SVEP1: variants seen among roughly 807,000 people sequenced by gnomAD.
The protein encoded by SVEP1 is sushi, von Willebrand factor type A, EGF and pentraxin domain containing 1.
In SVEP1, 164 loss-of-function variants were observed where a neutral mutation model predicts 367.3. That is an observed-to-expected ratio of 0.45 (90% CI 0.39 to 0.51). The LOEUF is 0.51. Among genes scored for constraint, SVEP1 ranks in the 20% least tolerant of loss-of-function variants. SVEP1 has a pLI of 0.00. For synonymous variants in SVEP1, 1,666 were observed against 1,611.6 expected, an observed-to-expected ratio of 1.03 and a Z score of -0.81; for missense variants, 4,117 against 4,425.3, an observed-to-expected ratio of 0.93 and a Z score of 1.98.
intron 3 of SVEP1, among the ~76,000 whole-genome samples, chr9:110,519,143 T>C (rs1829844673): frequency 6.6e-6 from 1 of 152,220 alleles, no homozygotes. Context: ...TTTCTTCGTG[T>C]GTAATAGTAG....
At chr9:110,457,600 C>T (rs1354723682) in intron 20 of SVEP1, among the ~76,000 whole-genome samples, 1 of 152,116 alleles carries the variant, frequency 6.6e-6, no homozygotes, top group Non-Finnish European at 1.5e-5. Context: ...TGGCTGCATG[C>T]TAGAATACAA....
At chr9:110,477,584 A>AT (rs1412253175) in intron 13 of SVEP1, among the ~76,000 whole-genome samples, 1 of 151,818 alleles carries the variant, frequency 6.6e-6, no homozygotes, top group Non-Finnish European at 1.5e-5. Flanking sequence ...TCAGATGATC[A>AT]TTTTTTTTAC....
intron 9 of SVEP1, among the ~76,000 whole-genome samples, chr9:110,488,758 C>T (rs928906338): frequency 3.9e-5 from 6 of 152,018 alleles, no homozygotes; most frequent in South Asian, 2.1e-4. Flanking sequence ...CCTGTAGTCC[C>T]AGCTATTTGG....
At chr9:110,573,757 G>A (rs530044729) in intron 1 of SVEP1, among the ~76,000 whole-genome samples, 1 of 152,190 alleles carries the variant, frequency 6.6e-6, no homozygotes, top group East Asian at 1.9e-4. Flanking sequence ...CACATGGCAG[G>A]AAGAAAAACC....
chr9:110,473,226 T>A (rs1017325704), intron 14 of SVEP1, among the ~76,000 whole-genome samples: 1 of 152,220 alleles, frequency 6.6e-6, no homozygotes, highest in East Asian at 1.9e-4. Flanking sequence ...GCTTTGGCTA[T>A]TAAAATTAAC....
chr9:110,515,454 C>T (rs1208836510), intron 3 of SVEP1, among the ~76,000 whole-genome samples: 1 of 152,070 alleles, frequency 6.6e-6, no homozygotes, highest in African/African-American at 2.4e-5. Context: ...GCACCCGCCA[C>T]CACGCCTGGC....
intron 16 of SVEP1, among the ~76,000 whole-genome samples, chr9:110,470,402 A>G (rs192812048): frequency 3.3e-5 from 5 of 151,686 alleles, no homozygotes; most frequent in Admixed American, 3.3e-4. Flanking sequence ...GGCTGCCTGG[A>G]TGGGAATTTT....
rs1828928334 is a variant in SVEP1, at chr9:110,465,847, G to A, written c.3322+18C>T. Reference sequence around the variant, plus strand: ...CTAGTAGGTTTAAAGAAATATCAATGTCTAAGGCTTTGATAACCTCCACAT... The same window carrying A: ...CTAGTAGGTTTAAAGAAATATCAATATCTAAGGCTTTGATAACCTCCACAT... On this transcript the variant is annotated intron_variant, in intron 18 of 47. Transcript: ENST00000374469. The A allele has an allele frequency of 6.2e-7, 1 of 1,608,962 alleles. No homozygotes were observed. Among genetic ancestry groups the A allele is most frequent in the Non-Finnish European group, 8.5e-7 (1 of 1,177,168 alleles).
At chr9:110,498,808 C>T (rs545509503) in intron 7 of SVEP1, among the ~76,000 whole-genome samples, 15 of 152,292 alleles carry the variant, frequency 9.8e-5, no homozygotes, top group Non-Finnish European at 1.9e-4. Flanking sequence ...TGATTTTCAG[C>T]TCTACTATTT....
chr9:110,566,134 A>G lies in SVEP1; in HGVS notation c.531+12879T>C, dbSNP rs1217663265. 2.0e-5 allele frequency among the ~76,000 whole-genome samples: 3 copies of G among 152,094 alleles called. No individual in the cohort carries two copies. In the East Asian group the frequency reaches 5.8e-4, roughly 29 times the overall value. On this transcript the variant is annotated intron_variant, in intron 1 of 47. Coordinates refer to ENST00000374469, the MANE Select transcript of SVEP1 (RefSeq NM_153366.4). The stretch of plus-strand genomic sequence containing the variant: ...GGAGTTTGAGACCAGCCTGGGCAAC[A>G]TGGCAAAACCACATCTCTACAAAAA...
intron 45 of SVEP1, 147 bp from the exon 46 acceptor site, chr9:110,375,610 T>A: frequency 1.5e-6 from 1 of 657,578 alleles, no homozygotes; most frequent in Non-Finnish European, 2.5e-6. Context: ...GTTTCCTGCA[T>A]GTGTTCTGCT....
intron 36 of SVEP1, among the ~76,000 whole-genome samples, chr9:110,422,728 C>T (rs1008488250): frequency 3.9e-5 from 5 of 128,148 alleles, no homozygotes; most frequent in Non-Finnish European, 8.3e-5. Context: ...TCCAAATGTC[C>T]AACAATGATA....
Position 110,472,219 on chromosome 9 carries a change from G to A in SVEP1, c.2704C>T (p.Arg902Trp), listed in dbSNP as rs763911828. The change falls in exon 15 of 48, where the codon CGG becomes TGG. Residue 902 changes from arginine (R) to tryptophan (W), a missense_variant. This residue lies in a region of SVEP1 where 2,174 missense variants were observed against 2,494.3 expected (regional missense o/e 0.87). Transcript: ENST00000374469. ...ATSIGNAKSS[R>W]IKRSAPLSDY... is the part of the protein sequence containing the mutation. ...GATAATGGGGCACTTCTTTTAATCC[G>A]TGAGGACTTGGCATTGCCGATGCTT... is the stretch of plus-strand genomic sequence containing the variant. The A allele has an allele frequency of 1.5e-5, 25 of 1,613,256 alleles. No individual in the cohort carries two copies. Among genetic ancestry groups the A allele is most frequent in the Non-Finnish European group, 1.9e-5 (23 of 1,179,732 alleles).
rs571795053 is a variant in SVEP1, at chr9:110,513,233, G to A, written c.1124-128C>T. On this transcript the variant is annotated intron_variant, in intron 4 of 47. Transcript: ENST00000374469. ...ATTGCCTACAGCATTTCCATTTACC[G>A]CATTTGGATTTTCAAGTACATATTT... 2.4e-5 allele frequency: 21 copies of A among 884,770 alleles called. No homozygotes were observed. The Admixed American group carries it at 3.8e-4, about 16-fold the overall frequency. 54.8% of individuals were successfully genotyped at this position (884,770 alleles called of 1,614,324 possible).
At chr9:110,559,421 A>C (rs1380623970) in intron 1 of SVEP1, among the ~76,000 whole-genome samples, 1 of 152,142 alleles carries the variant, frequency 6.6e-6, no homozygotes, top group African/African-American at 2.4e-5. Context: ...TTGACCAAAC[A>C]AAACAAAGAC....
intron 9 of SVEP1, 25 bp from the exon 10 acceptor site, chr9:110,483,718 G>A: frequency 6.5e-7 from 1 of 1,538,886 alleles, no homozygotes; most frequent in Non-Finnish European, 8.8e-7. Flanking sequence ...ATCAGACAAA[G>A]AAGTCACAGC....
At chr9:110,409,418 T>C (rs7024283) in intron 37 of SVEP1, among the ~76,000 whole-genome samples, 59,862 of 151,900 alleles carry the variant, frequency 0.39, 12,407 homozygotes, top group African/African-American at 0.53. Flanking sequence ...CAAGACTCTG[T>C]CTAAAGGGAA....
intron 7 of SVEP1, among the ~76,000 whole-genome samples, chr9:110,498,070 A>G (rs1829478616): frequency 6.6e-6 from 1 of 152,244 alleles, no homozygotes; most frequent in South Asian, 2.1e-4. Context: ...CATATCCTGT[A>G]CACATTGCTA....
chr9:110,392,795 G>T (rs1564128479), intron 40 of SVEP1, among the ~76,000 whole-genome samples: 1 of 152,088 alleles, frequency 6.6e-6, no homozygotes, highest in Non-Finnish European at 1.5e-5. Flanking sequence ...ATGTGTTTCA[G>T]TCCATTGAAG....
Sources: gnomAD v4.1 joint callset for allele counts (sites outside exome capture counted in the v4.1 genomes callset) on GRCh38, gnomAD v4.1.1 for gene constraint, gnomAD v4.1.1 regional missense constraint, MANE v1.5 for transcripts, NCBI Gene and HGNC (gene_info 2026-07-23, HGNC 2026-07-21) for gene names.